Variants in ADIPOR1 observed in about 807,000 individuals in gnomAD.
The protein encoded by ADIPOR1 is adiponectin receptor protein 1.
Under a neutral mutation model 37.5 loss-of-function variants are expected in ADIPOR1, and 15 were observed. The observed-to-expected ratio is 0.40, with a 90% CI of 0.27 to 0.62. The LOEUF (loss-of-function observed/expected upper bound fraction) is 0.62, where lower values mean the gene tolerates loss of function less well. ADIPOR1 is among the 20% of genes least tolerant of loss of function. The probability of loss-of-function intolerance (pLI) is 0.42; values close to 1 mark genes in which losing one functional copy is unlikely to be tolerated. For synonymous variants in ADIPOR1, 173 were observed against 173.2 expected (o/e 1.00, Z 0.01); for missense variants, 286 against 478.0 (o/e 0.60, Z 3.75).
At chr1:202,952,159 T>C (rs976568800) in intron 1 of ADIPOR1, among the ~76,000 whole-genome samples, 2 of 152,024 alleles carry the variant, frequency 1.3e-5, no homozygotes, top group South Asian at 4.2e-4. Flanking sequence ...TGCTGTAAAT[T>C]ATTAGTTCTC....
chr1:202,947,019 G>C (rs1654357584), intron 3 of ADIPOR1, among the ~76,000 whole-genome samples: 1 of 152,238 alleles, frequency 6.6e-6, no homozygotes, highest in South Asian at 2.1e-4. Flanking sequence ...AGGAGGCTGA[G>C]GCAGGAGAAT....
rs928384668 is a variant in ADIPOR1, at chr1:202,958,273, T to G, written c.-183A>C. Reference sequence around the variant, plus strand: ...GCGGCCTGCGGCCGAGCGGCCCCGATCTTCAGCGCCCTCCCCGCGCCGGAA... The same window carrying G: ...GCGGCCTGCGGCCGAGCGGCCCCGAGCTTCAGCGCCCTCCCCGCGCCGGAA... On this transcript the variant is annotated 5_prime_UTR_variant, in exon 1 of 8. Transcript: ENST00000340990. 1 of 152,060 alleles carries G rather than the reference T, an allele frequency of 6.6e-6. No individual in the cohort carries two copies. The highest frequency in any genetic ancestry group is 2.4e-5 in the African/African-American group (1 of 41,424). The allele number at this position is 152,060 out of a possible 1,614,324, so 9.4% of individuals were successfully genotyped here.
intron 6 of ADIPOR1, among the ~76,000 whole-genome samples, chr1:202,943,252 T>C (rs1176320901): frequency 6.6e-6 from 1 of 152,236 alleles, no homozygotes; most frequent in Non-Finnish European, 1.5e-5. Flanking sequence ...TTGGTGGTGT[T>C]GCTGCAAGTA....
At chr1:202,953,915 G>A (rs1654678901) in intron 1 of ADIPOR1, among the ~76,000 whole-genome samples, 1 of 152,180 alleles carries the variant, frequency 6.6e-6, no homozygotes, top group South Asian at 2.1e-4. Flanking sequence ...GAATAATATA[G>A]AGAAAATTTA....
chr1:202,952,452 T>C lies in ADIPOR1; in HGVS notation c.-94-1288A>G, dbSNP rs563323599. The stretch of plus-strand genomic sequence containing the variant: ...CATGGCTATTCACTATATACAAATA[T>C]CTTTGATATCTTGTGTCAGTTCTTT... On this transcript the variant is annotated intron_variant, in intron 1 of 7. Coordinates refer to ENST00000340990, the MANE Select transcript of ADIPOR1 (RefSeq NM_015999.6). Among the ~76,000 whole-genome samples, 301 of 152,308 alleles carry C rather than the reference T, an allele frequency of 2.0e-3. 2 individuals are homozygous for C. The highest frequency in any genetic ancestry group is 3.1e-3 in the Admixed American group (48 of 15,296).
At chr1:202,952,428 A>T (rs765462205) in intron 1 of ADIPOR1, among the ~76,000 whole-genome samples, 8 of 152,182 alleles carry the variant, frequency 5.3e-5, no homozygotes, top group Non-Finnish European at 8.8e-5. Flanking sequence ...TATATCATCC[A>T]TGGCTATTCA....
intron 2 of ADIPOR1, among the ~76,000 whole-genome samples, chr1:202,949,465 A>C (rs899364203): frequency 6.6e-6 from 1 of 151,480 alleles, no homozygotes; most frequent in Non-Finnish European, 1.5e-5. Context: ...CTGTAGTCCC[A>C]GCTACTCGGG....
At chr1:202,953,308 A>T (rs1654653577) in intron 1 of ADIPOR1, among the ~76,000 whole-genome samples, 1 of 152,068 alleles carries the variant, frequency 6.6e-6, no homozygotes, top group Non-Finnish European at 1.5e-5. Flanking sequence ...GGCATCTTAG[A>T]TAAATCTGAA....
chr1:202,956,838 T>A (rs1428132775), intron 1 of ADIPOR1, among the ~76,000 whole-genome samples: 1 of 152,174 alleles, frequency 6.6e-6, no homozygotes, highest in Non-Finnish European at 1.5e-5. Context: ...AAATCAGCAA[T>A]GGGGATCAGT....
chr1:202,958,279 G>C lies in ADIPOR1; in HGVS notation c.-189C>G, dbSNP rs1412102157. 6.6e-6 allele frequency: 1 copy of C among 152,160 alleles called. No homozygotes were observed. The highest frequency in any genetic ancestry group is 2.4e-5 in the African/African-American group (1 of 41,440). The allele number at this position is 152,160 out of a possible 1,614,324, so 9.4% of individuals were successfully genotyped here. A position where few individuals can be genotyped will look rare whatever the true frequency, so the allele number is the denominator to read the frequency against. ...TGCGGCCGAGCGGCCCCGATCTTCA[G>C]CGCCCTCCCCGCGCCGGAAGGGGCG... On this transcript the variant is annotated 5_prime_UTR_variant, in exon 1 of 8. Transcript: ENST00000340990.
intron 3 of ADIPOR1, among the ~76,000 whole-genome samples, chr1:202,947,519 A>AT (rs1654383452): frequency 1.3e-5 from 2 of 151,666 alleles, no homozygotes; most frequent in African/African-American, 4.9e-5. Context: ...TCTGTCTCAA[A>AT]AAAATATATA....
chr1:202,954,572 G>A (rs1006532629), intron 1 of ADIPOR1, among the ~76,000 whole-genome samples: 1 of 152,146 alleles, frequency 6.6e-6, no homozygotes, highest in African/African-American at 2.4e-5. Context: ...CCTCAAGCTT[G>A]CCACACCCAA....
intron 6 of ADIPOR1, among the ~76,000 whole-genome samples, chr1:202,943,026 G>A (rs190935438): frequency 5.5e-4 from 84 of 151,872 alleles, no homozygotes; most frequent in African/African-American, 1.9e-3. Context: ...CTGCCACAAC[G>A]CCGACTAATT....
intron 3 of ADIPOR1, among the ~76,000 whole-genome samples, 188 bp downstream of exon 3, chr1:202,948,116 T>C (rs1330955244): frequency 6.6e-6 from 1 of 152,202 alleles, no homozygotes; most frequent in Non-Finnish European, 1.5e-5. Context: ...TTTTGAACAA[T>C]GCCTCACAGA....
chr1:202,947,458 G>T (rs986258776), intron 3 of ADIPOR1, among the ~76,000 whole-genome samples: 1 of 152,110 alleles, frequency 6.6e-6, no homozygotes, highest in African/African-American at 2.4e-5. Flanking sequence ...GCAGGCAGAG[G>T]TTGCAGTGAG....
intron 1 of ADIPOR1, among the ~76,000 whole-genome samples, chr1:202,953,968 T>C (rs1469202564): frequency 2.0e-5 from 3 of 152,252 alleles, no homozygotes; most frequent in South Asian, 2.1e-4. Context: ...AGAATCCAGA[T>C]TGGCATTCTT....
intron 4 of ADIPOR1, among the ~76,000 whole-genome samples, chr1:202,945,987 ACC>A (rs150363743): frequency 7.4e-6 from 1 of 134,580 alleles, no homozygotes; most frequent in East Asian, 2.2e-4. Flanking sequence ...ATGTAACCAA[ACC>A]CCCCCCCACC....
At chr1:202,944,734 C>T (rs948767623) in intron 5 of ADIPOR1, 4 of 295,648 alleles carry the variant, frequency 1.4e-5, no homozygotes, top group African/African-American at 8.5e-5. Context: ...AAAGATAGTG[C>T]TTTTCAGGTA....
chr1:202,941,701 A>G lies in ADIPOR1; in HGVS notation c.1000T>C (p.Phe334Leu). The change falls in exon 8 of 8, where the codon TTC (phenylalanine) becomes CTC (leucine). Residue 334 changes from phenylalanine (F) to leucine (L), a missense_variant and splice_region_variant. Physicochemically the swap from Phe to Leu is conservative, Grantham distance 22. Coordinates refer to ENST00000340990, the MANE Select transcript of ADIPOR1 (RefSeq NM_015999.6). ...RFFPGKFDIWFQSHQIFHVLV... is the reference protein window; with the variant it reads ...RFFPGKFDIWLQSHQIFHVLV... ...ACATGGAAAATCTGATGAGACTGGAACTGTAGGAATAAAAAGAAAAGAGCC... is the reference window on the plus strand; with the variant it reads ...ACATGGAAAATCTGATGAGACTGGAGCTGTAGGAATAAAAAGAAAAGAGCC... 2 of 1,609,732 alleles carry G rather than the reference A, an allele frequency of 1.2e-6. No individual in the cohort carries two copies. The highest frequency in any genetic ancestry group is 1.7e-6 in the Non-Finnish European group (2 of 1,179,016).
Sources: gnomAD v4.1 joint callset for allele counts (sites outside exome capture counted in the v4.1 genomes callset) on GRCh38, gnomAD v4.1.1 for gene constraint, MANE v1.5 for transcripts, NCBI Gene and HGNC (gene_info 2026-07-23, HGNC 2026-07-21) for gene names.